PRKG1: variants seen among roughly 807,000 people sequenced by gnomAD.
PRKG1 encodes the protein protein kinase cGMP-dependent 1.
A neutral mutation model predicts 88.1 loss-of-function variants in PRKG1; 35 were observed. The observed-to-expected ratio is 0.40, with a 90% CI of 0.30 to 0.53. The LOEUF is 0.53. Ranked by LOEUF, PRKG1 falls within the 20% of genes least tolerant of loss-of-function variation. PRKG1 has a pLI of 0.59. For synonymous variants in PRKG1, 303 were observed against 292.5 expected, an observed-to-expected ratio of 1.04 and a Z score of -0.37; for missense variants, 540 against 839.8, an observed-to-expected ratio of 0.64 and a Z score of 4.41.
chr10:51,146,780 A>G (rs1845957304), intron 1 of PRKG1, among the ~76,000 whole-genome samples: 1 of 152,148 alleles, frequency 6.6e-6, no homozygotes, highest in Admixed American at 6.5e-5. Flanking sequence ...TCTAGTTTCT[A>G]GAAATCCTGC....
At chr10:52,136,576 G>T (rs1837429492) in intron 8 of PRKG1, among the ~76,000 whole-genome samples, 1 of 151,986 alleles carries the variant, frequency 6.6e-6, no homozygotes, top group Admixed American at 6.6e-5. Context: ...CTTGAATCTT[G>T]ACTACACCAT....
At chr10:51,386,516 G>T (rs192319865) in intron 2 of PRKG1, among the ~76,000 whole-genome samples, 1 of 152,154 alleles carries the variant, frequency 6.6e-6, no homozygotes, top group African/African-American at 2.4e-5. Flanking sequence ...AAGTACAAAG[G>T]CTGGAAAAGA....
chr10:51,813,990 C>T (rs945401055), intron 4 of PRKG1, among the ~76,000 whole-genome samples: 8 of 152,140 alleles, frequency 5.3e-5, no homozygotes, highest in African/African-American at 1.9e-4. Context: ...GGAAACCCAC[C>T]ACCTGTACAT....
chr10:51,016,077 G>T (rs866481016), intron 1 of PRKG1, among the ~76,000 whole-genome samples: 1 of 152,190 alleles, frequency 6.6e-6, no homozygotes, highest in Non-Finnish European at 1.5e-5. Context: ...ATATGTGTTT[G>T]CAGGACGTCA....
At chr10:52,140,706 G>C (rs531856329) in intron 8 of PRKG1, among the ~76,000 whole-genome samples, 1 of 152,064 alleles carries the variant, frequency 6.6e-6, no homozygotes, top group Admixed American at 6.6e-5. Context: ...GGTGCCATTG[G>C]GGGAGAGAAG....
At chr10:51,899,392 T>G (rs1259625318) in intron 4 of PRKG1, among the ~76,000 whole-genome samples, 2 of 151,714 alleles carry the variant, frequency 1.3e-5, no homozygotes, top group South Asian at 4.1e-4. Context: ...AGAAAGGAGT[T>G]TAAGTTTACA....
chr10:51,464,002 T>C (rs542358514), intron 2 of PRKG1, among the ~76,000 whole-genome samples: 9 of 152,254 alleles, frequency 5.9e-5, no homozygotes, highest in Non-Finnish European at 1.3e-4. Context: ...CGGGGTGCGA[T>C]AGCTCACGCC....
intron 3 of PRKG1, among the ~76,000 whole-genome samples, chr10:51,716,321 G>C (rs1337106238): frequency 6.6e-6 from 1 of 152,122 alleles, no homozygotes; most frequent in African/African-American, 2.4e-5. Context: ...GAGGATATTT[G>C]AGTGTCTTCA....
chr10:51,127,487 G>A (rs1292486032), intron 1 of PRKG1, among the ~76,000 whole-genome samples: 2 of 152,142 alleles, frequency 1.3e-5, no homozygotes, highest in Non-Finnish European at 2.9e-5. Flanking sequence ...TGGAGAAATA[G>A]GAACACTTTT....
At chr10:51,926,580 A>T (rs1842581927) in intron 5 of PRKG1, among the ~76,000 whole-genome samples, 1 of 152,004 alleles carries the variant, frequency 6.6e-6, no homozygotes, top group Non-Finnish European at 1.5e-5. Flanking sequence ...CCCACCCCTG[A>T]TAACTGTGCA....
intron 5 of PRKG1, among the ~76,000 whole-genome samples, chr10:51,951,217 A>G (rs889968280): frequency 5.9e-5 from 9 of 152,128 alleles, no homozygotes; most frequent in African/African-American, 9.7e-5. Flanking sequence ...ACCTGCCCCT[A>G]TGTGCTTTGG....
intron 1 of PRKG1, among the ~76,000 whole-genome samples, chr10:51,141,232 G>A (rs948372194): frequency 3.3e-5 from 5 of 152,166 alleles, no homozygotes; most frequent in African/African-American, 1.2e-4. Context: ...TGCAGTTCAA[G>A]CATACACTGT....
chr10:51,522,321 G>A (rs936411043), intron 3 of PRKG1, among the ~76,000 whole-genome samples: 3 of 152,142 alleles, frequency 2.0e-5, no homozygotes, highest in Non-Finnish European at 2.9e-5. Flanking sequence ...CATCACATAG[G>A]TATTCAGGCA....
chr10:51,633,864 G>A (rs1271477921), intron 3 of PRKG1, among the ~76,000 whole-genome samples: 1 of 152,120 alleles, frequency 6.6e-6, no homozygotes, highest in Non-Finnish European at 1.5e-5. Flanking sequence ...CCTATTGGTT[G>A]TCAACTGATG....
At chr10:51,649,020 T>TATAA (rs993069324) in intron 3 of PRKG1, among the ~76,000 whole-genome samples, 18 of 152,168 alleles carry the variant, frequency 1.2e-4, no homozygotes, top group South Asian at 6.2e-4. Flanking sequence ...ACCCCGTCTC[T>TATAA]ATAAATAAAT....
At chr10:51,849,510 T>A (rs994415079) in intron 4 of PRKG1, among the ~76,000 whole-genome samples, 2 of 152,200 alleles carry the variant, frequency 1.3e-5, no homozygotes, top group African/African-American at 4.8e-5. Flanking sequence ...TACTCAGATT[T>A]GTTTTCCTTG....
intron 3 of PRKG1, among the ~76,000 whole-genome samples, chr10:51,590,293 C>T (rs1057426133): frequency 1.3e-5 from 2 of 152,176 alleles, no homozygotes; most frequent in African/African-American, 4.8e-5. Flanking sequence ...AGTGAAGAAA[C>T]TGAGGCTTGG....
At chr10:51,705,884 C>T (rs1000982373) in intron 3 of PRKG1, among the ~76,000 whole-genome samples, 5 of 152,170 alleles carry the variant, frequency 3.3e-5, no homozygotes, top group Non-Finnish European at 5.9e-5. Flanking sequence ...AGTGGCATAA[C>T]GACAACCTGA....
Position 51,758,858 on chromosome 10 carries a change from C to A in PRKG1, c.593-45727C>A, listed in dbSNP as rs184266207. Among the ~76,000 whole-genome samples, 1,008 of 149,880 alleles carry A rather than the reference C, an allele frequency of 6.7e-3. 4 individuals carry two copies. Among genetic ancestry groups the A allele is most frequent in the Non-Finnish European group, 9.7e-3 (653 of 67,614 alleles). On this transcript the variant is annotated intron_variant, in intron 3 of 17. Coordinates refer to ENST00000373980, the MANE Select transcript of PRKG1 (RefSeq NM_006258.4). ...CTCTCCCTCCTCTTCCCCCCCACCC[C>A]CCGACAGGGCCCAGAGTGTGATGTT... is the stretch of plus-strand genomic sequence containing the variant.
Sources: allele counts gnomAD v4.1 joint callset (sites outside exome capture counted in the v4.1 genomes callset), GRCh38; gene constraint gnomAD v4.1.1; transcripts MANE v1.5; gene names NCBI Gene and HGNC (gene_info 2026-07-23, HGNC 2026-07-21).